The following SLC4A7 variants were observed in gnomAD, a reference collection of about 807,000 sequenced individuals.
SLC4A7 encodes sodium bicarbonate cotransporter 3.
Under a neutral mutation model 137.6 loss-of-function variants are expected in SLC4A7, and 51 were observed. The ratio of observed to expected loss-of-function variants is 0.37; its 90% confidence interval spans 0.30 to 0.47. The LOEUF is 0.47. Among genes scored for constraint, SLC4A7 ranks in the 20% least tolerant of loss-of-function variants. SLC4A7 has a pLI of 1.00. For synonymous variants in SLC4A7, 542 were observed against 518.6 expected (o/e 1.05, Z -0.61); for missense variants, 1,247 against 1,525.4 (o/e 0.82, Z 3.04).
chr3:27,421,326 T>C lies in SLC4A7; in HGVS notation c.1424+296A>G, dbSNP rs45620636. On this transcript the variant is annotated intron_variant, in intron 9 of 25. Transcript: ENST00000454389. ...CAGATGGGACAATGGCAAAACACCATATCTACTACAAATATAAAACTTAGC... is the reference window on the plus strand; with the variant it reads ...CAGATGGGACAATGGCAAAACACCACATCTACTACAAATATAAAACTTAGC... Among the ~76,000 whole-genome samples, 908 of 151,898 alleles carry C rather than the reference T, an allele frequency of 6.0e-3. 6 individuals carry two copies. The highest frequency in any genetic ancestry group is 9.1e-3 in the Non-Finnish European group (619 of 67,940).
chr3:27,419,350 C>A (rs1050840961), intron 10 of SLC4A7, among the ~76,000 whole-genome samples: 2 of 151,670 alleles, frequency 1.3e-5, no homozygotes, highest in African/African-American at 2.4e-5. Context: ...AGGCGGATCG[C>A]CTGATGTCAG....
chr3:27,479,642 T>C (rs990572448), intron 1 of SLC4A7, among the ~76,000 whole-genome samples: 2 of 152,162 alleles, frequency 1.3e-5, no homozygotes, highest in Non-Finnish European at 2.9e-5. Context: ...TAATTGCAAA[T>C]AGTCCTAAAT....
chr3:27,407,898 A>G (rs1322522948), intron 13 of SLC4A7, among the ~76,000 whole-genome samples: 1 of 151,934 alleles, frequency 6.6e-6, no homozygotes, highest in Admixed American at 6.6e-5. Context: ...CAATCTTTAC[A>G]TTTCCTCCTC....
At chr3:27,483,394 C>T (rs1465388393) in intron 1 of SLC4A7, among the ~76,000 whole-genome samples, 2 of 152,220 alleles carry the variant, frequency 1.3e-5, no homozygotes, top group African/African-American at 4.8e-5. Flanking sequence ...CCTCCTTCTA[C>T]TTGGCCTGCG....
intron 10 of SLC4A7, among the ~76,000 whole-genome samples, chr3:27,419,926 C>T (rs544010537): frequency 4.0e-5 from 6 of 151,744 alleles, no homozygotes; most frequent in African/African-American, 1.5e-4. Flanking sequence ...CGGTGGCTCA[C>T]GCCTGTAATC....
intron 1 of SLC4A7, among the ~76,000 whole-genome samples, chr3:27,481,852 T>C (rs2059722221): frequency 6.6e-6 from 1 of 152,126 alleles, no homozygotes; most frequent in Non-Finnish European, 1.5e-5. Flanking sequence ...AGGATAGAGT[T>C]GGGTAGGGTG....
At chr3:27,455,442 C>A (rs2058342328) in intron 1 of SLC4A7, among the ~76,000 whole-genome samples, 2 of 152,114 alleles carry the variant, frequency 1.3e-5, no homozygotes, top group Non-Finnish European at 1.5e-5. Context: ...GGGATACACA[C>A]CAAATTCTTA....
chr3:27,417,399 G>T (rs902965201), intron 11 of SLC4A7, among the ~76,000 whole-genome samples: 3 of 152,224 alleles, frequency 2.0e-5, no homozygotes, highest in East Asian at 3.9e-4. Flanking sequence ...TGGTGGTGGG[G>T]CAATGAACAA....
rs9813520 is a variant in SLC4A7, at chr3:27,414,414, A to C, written c.1660-2666T>G. ...AGCCTACTGTTGACTGGAAAGCCTT[A>C]CTGGTAACATGAACAGTCGAACATA... is the stretch of plus-strand genomic sequence containing the variant. On this transcript the variant is annotated intron_variant, in intron 11 of 25. Transcript: ENST00000454389. Among the ~76,000 whole-genome samples the C allele has an allele frequency of 3.2e-3, 484 of 152,302 alleles. 6 individuals carry two copies. The highest frequency in any genetic ancestry group is 0.011 in the African/African-American group (456 of 41,562).
At chr3:27,408,223 TTGTCACATGTACAAGATA>T (rs1335401746) in intron 13 of SLC4A7, among the ~76,000 whole-genome samples, 1 of 152,182 alleles carries the variant, frequency 6.6e-6, no homozygotes, top group Non-Finnish European at 1.5e-5. Context: ...GCCAAACACA[TTGTCACATGTACAAGATA>T]TCAAATAGCA....
At chr3:27,452,956 C>T (rs1194029953) in intron 1 of SLC4A7, among the ~76,000 whole-genome samples, 3 of 152,160 alleles carry the variant, frequency 2.0e-5, no homozygotes, top group Admixed American at 6.5e-5. Context: ...AATAAGCAGA[C>T]TCAACATGCA....
chr3:27,412,112 C>G (rs2053959089), intron 11 of SLC4A7, among the ~76,000 whole-genome samples: 2 of 152,226 alleles, frequency 1.3e-5, no homozygotes, highest in East Asian at 3.9e-4. Flanking sequence ...AATACTGCTC[C>G]TATTAACTAT....
chr3:27,401,085 AG>A (rs1436631796), intron 15 of SLC4A7: 2 of 371,942 alleles, frequency 5.4e-6, no homozygotes, highest in Non-Finnish European at 9.7e-6. Context: ...CAAAACGTTT[AG>A]TTAATGAAGC....
intron 4 of SLC4A7, 123 bp from the exon 5 acceptor site, chr3:27,436,671 C>T: frequency 1.5e-6 from 1 of 651,462 alleles, no homozygotes; most frequent in East Asian, 2.9e-5. Flanking sequence ...AAACCACGAC[C>T]AAACACGTTT....
intron 1 of SLC4A7, among the ~76,000 whole-genome samples, chr3:27,481,838 T>TA (rs1193682490): frequency 6.6e-6 from 1 of 152,184 alleles, no homozygotes; most frequent in Non-Finnish European, 1.5e-5. Flanking sequence ...ATATCACTTC[T>TA]ATTAGGATAG....
intron 1 of SLC4A7, among the ~76,000 whole-genome samples, chr3:27,454,737 T>C (rs1370520830): frequency 1.3e-5 from 2 of 152,170 alleles, no homozygotes; most frequent in Non-Finnish European, 2.9e-5. Context: ...AGAAGTTGTA[T>C]CCTGAGAGGT....
At chr3:27,474,956 A>C (rs1576674242) in intron 1 of SLC4A7, among the ~76,000 whole-genome samples, 1 of 151,948 alleles carries the variant, frequency 6.6e-6, no homozygotes, top group East Asian at 1.9e-4. Context: ...ACAAACACAA[A>C]AAAATTAGCC....
At chr3:27,456,570 G>T in intron 1 of SLC4A7, 2 of 982,382 alleles carry the variant, frequency 2.0e-6, no homozygotes, top group South Asian at 2.6e-5. Flanking sequence ...TAATAAGCCT[G>T]ACATTTCTTC....
chr3:27,401,074 T>A, intron 15 of SLC4A7: 1 of 399,160 alleles, frequency 2.5e-6, no homozygotes, highest in East Asian at 4.1e-5. Flanking sequence ...AATACAAATA[T>A]CAAAACGTTT....
Sources: gnomAD v4.1 joint callset for allele counts (sites outside exome capture counted in the v4.1 genomes callset) on GRCh38, gnomAD v4.1.1 for gene constraint, MANE v1.5 for transcripts, NCBI Gene and HGNC (gene_info 2026-07-23, HGNC 2026-07-21) for gene names.